Variants in PRG3 observed in about 807,000 individuals in gnomAD.
The protein encoded by PRG3 is proteoglycan 3.
In PRG3, 25 loss-of-function variants were observed where a neutral mutation model predicts 26.1. The observed-to-expected ratio is 0.96, with a 90% confidence interval of 0.70 to 1.34. The LOEUF (loss-of-function observed/expected upper bound fraction) is 1.34, where lower values mean the gene tolerates loss of function less well. PRG3 is among the 40% of genes most tolerant of loss of function. PRG3 has a pLI of 0.00. For missense variants in PRG3, 280 were observed against 264.8 expected, an observed-to-expected ratio of 1.06 and a Z score of -0.40; for synonymous variants, 111 against 100.4, an observed-to-expected ratio of 1.11 and a Z score of -0.63.
rs770054874 is a variant in PRG3 at position 57,379,627 on chromosome 11, G to A, written c.242C>T (p.Ser81Leu). ...GTCCTTGTCTAAGGCAGCTGGGTCC[G>A]ACTCCATGGCTTCCTCATCCTCAAA... ...DNFEDEEAME[S>L]DPAALDKDFQ... Residue 81 changes from serine to leucine, a missense_variant, in exon 3 of 6, where the codon TCG becomes TTG. Ser to Leu is a moderately radical substitution (Grantham distance 145). Transcript: ENST00000287143. 1.2e-5 allele frequency: 20 copies of A among 1,613,808 alleles called. No individual in the cohort carries two copies. The highest frequency in any genetic ancestry group is 1.2e-4 in the African/African-American group (9 of 74,910).
chr11:57,379,835 G>A (rs956925742), intron 2 of PRG3, 28 bp from the exon 3 acceptor site: 30 of 1,569,830 alleles, frequency 1.9e-5, no homozygotes, highest in Non-Finnish European at 2.5e-5. Flanking sequence ...CCTGCCATCA[G>A]GTCAAGAGCT....
chr11:57,377,476 T>C (rs1464464378), intron 5 of PRG3, among the ~76,000 whole-genome samples: 5 of 152,154 alleles, frequency 3.3e-5, no homozygotes, highest in African/African-American at 1.2e-4. Flanking sequence ...ATTGCCCTCA[T>C]ATCAAAGGAG....
rs1565079470 is a variant in PRG3 at position 57,379,595 on chromosome 11, A to G, written c.274T>C (p.Cys92Arg). Reference protein sequence around the residue: ...DPAALDKDFQCPREEDIVEVQ... With the variant: ...DPAALDKDFQRPREEDIVEVQ... The stretch of plus-strand genomic sequence containing the variant: ...TCAACAATGTCTTCTTCCCTGGGGC[A>G]CTGGAAGTCCTTGTCTAAGGCAGCT... Residue 92 changes from cysteine to arginine, a missense_variant, in exon 3 of 6, where the codon TGC becomes CGC. By Grantham distance (180) the Cys-to-Arg change is radical (BLOSUM62 -3). Coordinates refer to ENST00000287143, the MANE Select transcript of PRG3 (RefSeq NM_006093.4). The G allele has an allele frequency of 6.2e-7, 1 of 1,613,926 alleles. No homozygotes were observed. Among genetic ancestry groups the G allele is most frequent in the Admixed American group, 1.7e-5 (1 of 60,028 alleles).
At chr11:57,379,942 G>A in intron 2 of PRG3, 135 bp from the exon 3 acceptor site, 1 of 816,276 alleles carries the variant, frequency 1.2e-6, no homozygotes, top group Non-Finnish European at 1.9e-6. Context: ...CTTGGTGTTA[G>A]GTAAGGAGAG....
At position 57,379,793 on chromosome 11, in the gene PRG3, G is replaced by C; in HGVS notation, c.76C>G (p.His26Asp). 2 of 1,607,528 alleles carry C rather than the reference G, an allele frequency of 1.2e-6. No individual in the cohort carries two copies. Among genetic ancestry groups the C allele is most frequent in the Non-Finnish European group, 1.7e-6 (2 of 1,176,104 alleles). The part of the protein sequence containing the change: ...SALHLENDAP[H>D]LESLETQADL... ...GCCTGTGTCTCTAGGCTCTCCAGATGGGGGGCATCATTCTCTGGGAAGAAG... is the reference window on the plus strand; with the variant it reads ...GCCTGTGTCTCTAGGCTCTCCAGATCGGGGGCATCATTCTCTGGGAAGAAG... Residue 26 changes from histidine (H) to aspartate (D), a missense_variant, in exon 3 of 6, where the codon CAT (histidine) becomes GAT (aspartate). Coordinates refer to ENST00000287143, the MANE Select transcript of PRG3 (RefSeq NM_006093.4).
intron 2 of PRG3, among the ~76,000 whole-genome samples, chr11:57,380,059 T>C (rs1308983850): frequency 2.0e-5 from 3 of 152,226 alleles, no homozygotes; most frequent in Non-Finnish European, 4.4e-5. Flanking sequence ...CCTGGGGCAG[T>C]CACCAGCCCT....
chr11:57,380,098 T>G (rs1021677929), intron 2 of PRG3, among the ~76,000 whole-genome samples: 2 of 152,140 alleles, frequency 1.3e-5, no homozygotes, highest in Non-Finnish European at 2.9e-5. Flanking sequence ...GGTTTTTCCT[T>G]CTGAAAGTTC....
rs535821240 is a variant in PRG3 at position 57,378,438 on chromosome 11, T to C, written c.507+243A>G. ...CCCTGATGTGTAGCAATTGCCTATT[T>C]CCTTTGTGTAAATACTCCCACCATG... is the stretch of plus-strand genomic sequence containing the variant. On this transcript the variant is annotated intron_variant, in intron 4 of 5. Transcript: ENST00000287143. Among the ~76,000 whole-genome samples the C allele has an allele frequency of 3.3e-5, 5 of 151,564 alleles. No homozygotes were observed. The South Asian group carries it at 1.0e-3, about 32-fold the overall frequency.
intron 2 of PRG3, 100 bp downstream of exon 2, chr11:57,380,548 G>T: frequency 9.7e-7 from 1 of 1,027,370 alleles, no homozygotes; most frequent in Non-Finnish European, 1.4e-6. Flanking sequence ...AGGGAAGGCT[G>T]TGGTCCTGGC....
rs768984480 is a variant in PRG3, at chr11:57,379,623, G to A, written c.246C>T (p.Asp82=). ...GGAAGTCCTTGTCTAAGGCAGCTGG[G>A]TCCGACTCCATGGCTTCCTCATCCT... ...NFEDEEAMES[D]PAALDKDFQC... is the part of the protein sequence containing the mutation. The change falls in exon 3 of 6, where the codon GAC becomes GAT. Residue 82 remains aspartate, a synonymous_variant. Transcript: ENST00000287143. 1.9e-6 allele frequency: 3 copies of A among 1,613,934 alleles called. No individual in the cohort carries two copies. Among genetic ancestry groups the A allele is most frequent in the East Asian group, 2.2e-5 (1 of 44,890 alleles).
In PRG3 at chr11:57,380,774, T is replaced by C. The variant is rs1160144849; in HGVS notation, c.-66A>G. ...CTTGGGGCTGTCTTTGTGTGTCTAG[T>C]ATAGCCCCTGGCACATAGTATAGAG... On this transcript the variant is annotated 5_prime_UTR_variant, in exon 2 of 6. The change creates a new upstream start codon in the 5' untranslated region. Coordinates refer to ENST00000287143, the MANE Select transcript of PRG3 (RefSeq NM_006093.4). The C allele has an allele frequency of 3.4e-6, 4 of 1,160,542 alleles. No homozygotes were observed. The East Asian group carries it at 1.2e-4, about 34-fold the overall frequency. 71.9% of individuals were successfully genotyped at this position (1,160,542 alleles called of 1,614,324 possible).
At chr11:57,379,303 G>A (rs916822517) in intron 3 of PRG3, among the ~76,000 whole-genome samples, 191 bp downstream of exon 3, 2 of 152,106 alleles carry the variant, frequency 1.3e-5, no homozygotes, top group Non-Finnish European at 2.9e-5. Flanking sequence ...AAATTCTCAG[G>A]CTTCACCTCA....
rs1246855585 is a variant in PRG3 at position 57,379,371 on chromosome 11, A to G, written c.375+123T>C. Reference sequence around the variant, plus strand: ...CCCAGAAAGCTGTGTTTTAACAACAACTCCAGGTGATTCTGATGCATGCGA... The same window carrying G: ...CCCAGAAAGCTGTGTTTTAACAACAGCTCCAGGTGATTCTGATGCATGCGA... On this transcript the variant is annotated intron_variant, in intron 3 of 5. Coordinates refer to ENST00000287143, the MANE Select transcript of PRG3 (RefSeq NM_006093.4). 37 of 1,018,470 alleles carry G rather than the reference A, an allele frequency of 3.6e-5. No individual in the cohort carries two copies. In the South Asian group the frequency reaches 4.9e-4, roughly 13 times the overall value. The allele number at this position is 1,018,470 out of a possible 1,614,324, so 63.1% of individuals were successfully genotyped here. A position where few individuals can be genotyped will look rare whatever the true frequency, so the allele number is the denominator to read the frequency against.
intron 4 of PRG3, 125 bp from the exon 5 acceptor site, chr11:57,377,961 A>T: frequency 1.4e-6 from 1 of 703,322 alleles, no homozygotes. Context: ...AGCCATTCCT[A>T]AGAGTTTCCA....
chr11:57,379,793 G>T lies in PRG3; in HGVS notation c.76C>A (p.His26Asn), dbSNP rs767884184. The change falls in exon 3 of 6, where the codon CAT (histidine) becomes AAT (asparagine). Residue 26 changes from histidine (H) to asparagine (N), a missense_variant. Transcript: ENST00000287143. ...GCCTGTGTCTCTAGGCTCTCCAGAT[G>T]GGGGGCATCATTCTCTGGGAAGAAG... ...SALHLENDAP[H>N]LESLETQADL... The T allele has an allele frequency of 6.2e-6, 10 of 1,607,528 alleles. No individual in the cohort carries two copies. The highest frequency in any genetic ancestry group is 1.7e-5 in the Admixed American group (1 of 59,484).
At chr11:57,379,416 C>T in intron 3 of PRG3, 78 bp downstream of exon 3, 1 of 1,389,198 alleles carries the variant, frequency 7.2e-7, no homozygotes, top group South Asian at 1.4e-5. Context: ...AACCACTAGC[C>T]TAAATGAATA....
chr11:57,378,277 G>C (rs930703208), intron 4 of PRG3, among the ~76,000 whole-genome samples: 1 of 152,038 alleles, frequency 6.6e-6, no homozygotes, highest in Non-Finnish European at 1.5e-5. Context: ...AAAAACAGAG[G>C]CTCCAAGAAA....
intron 2 of PRG3, among the ~76,000 whole-genome samples, 164 bp downstream of exon 2, chr11:57,380,484 T>C (rs1303715551): frequency 6.6e-6 from 1 of 151,552 alleles, no homozygotes; most frequent in Non-Finnish European, 1.5e-5. Context: ...AGTTCCAGGT[T>C]ACAGTTCTGA....
chr11:57,380,115 C>A (rs998815763), intron 2 of PRG3, among the ~76,000 whole-genome samples: 2 of 152,166 alleles, frequency 1.3e-5, no homozygotes, highest in Non-Finnish European at 2.9e-5. Flanking sequence ...GTTCAGGTTA[C>A]AGTTTGCCGG....
Sources: gnomAD v4.1 joint callset for allele counts (sites outside exome capture counted in the v4.1 genomes callset) on GRCh38, gnomAD v4.1.1 for gene constraint, MANE v1.5 for transcripts, NCBI Gene and HGNC (gene_info 2026-07-23, HGNC 2026-07-21) for gene names.